Variants in PARP8 observed in about 807,000 individuals in gnomAD.
PARP8 encodes poly(ADP-ribose) polymerase family member 8.
In PARP8, 51 loss-of-function variants were observed where a neutral mutation model predicts 124.1. The observed-to-expected ratio is 0.41, with a 90% CI of 0.33 to 0.52. The LOEUF (loss-of-function observed/expected upper bound fraction) is 0.52. Among genes scored for constraint, PARP8 ranks in the 20% least tolerant of loss-of-function variants. The probability of loss-of-function intolerance (pLI) is 0.21; values close to 1 mark genes in which losing one functional copy is unlikely to be tolerated. For synonymous variants in PARP8, 391 were observed against 361.5 expected, an observed-to-expected ratio of 1.08 and a Z score of -0.93; for missense variants, 860 against 1,018.9, an observed-to-expected ratio of 0.84 and a Z score of 2.12.
At chr5:50,832,708 T>C (rs1218798094) in intron 22 of PARP8, 73 bp from the exon 23 acceptor site, 8 of 1,432,328 alleles carry the variant, frequency 5.6e-6, no homozygotes, top group Non-Finnish European at 7.9e-6. Flanking sequence ...GAACTTTGCA[T>C]AGTAGGTCGA....
chr5:50,743,120 C>T (rs143566836), intron 2 of PARP8, among the ~76,000 whole-genome samples: 2 of 152,188 alleles, frequency 1.3e-5, no homozygotes, highest in South Asian at 4.1e-4. Context: ...AAGGTATAGC[C>T]ATTTGGAGAT....
At chr5:50,827,512 A>T (rs1346036394) in intron 19 of PARP8, among the ~76,000 whole-genome samples, 3 of 152,156 alleles carry the variant, frequency 2.0e-5, no homozygotes, top group African/African-American at 7.2e-5. Flanking sequence ...CATAATAATA[A>T]TTTTTGCAGT....
At chr5:50,797,316 A>T in intron 14 of PARP8, 83 bp downstream of exon 14, 2 of 1,040,820 alleles carry the variant, frequency 1.9e-6, no homozygotes, top group East Asian at 5.4e-5. Context: ...ATAAGTAAAT[A>T]AATGCAGTTG....
At chr5:50,834,163 T>C (rs1363372898) in intron 24 of PARP8, 115 bp downstream of exon 24, 5 of 850,438 alleles carry the variant, frequency 5.9e-6, no homozygotes, top group Non-Finnish European at 9.0e-6. Context: ...TTATTCCTTA[T>C]GATCATCTCA....
chr5:50,839,421 C>T (rs538601740), intron 25 of PARP8, among the ~76,000 whole-genome samples: 1 of 151,792 alleles, frequency 6.6e-6, no homozygotes, highest in Non-Finnish European at 1.5e-5. Flanking sequence ...TTCTGTATAC[C>T]CTATTGTAAT....
chr5:50,827,960 A>G lies in PARP8; in HGVS notation c.1994A>G (p.His665Arg). 1.9e-6 allele frequency: 3 copies of G among 1,611,974 alleles called. No individual in the cohort carries two copies. Among genetic ancestry groups the G allele is most frequent in the Non-Finnish European group, 2.5e-6 (3 of 1,178,188 alleles). Reference protein sequence around the residue: ...LPVNRQLKFMHTPHQFLLLSS... With the variant: ...LPVNRQLKFMRTPHQFLLLSS... ...AAATGGCAGCAATTGAAGTTTATGCATACTCCACATCAGTTCCTTCTTCTC... is the reference window on the plus strand; with the variant it reads ...AAATGGCAGCAATTGAAGTTTATGCGTACTCCACATCAGTTCCTTCTTCTC... Residue 665 changes from histidine to arginine, a missense_variant, in exon 20 of 26, where the codon CAT (histidine) becomes CGT (arginine). Transcript: ENST00000281631.
intron 2 of PARP8, among the ~76,000 whole-genome samples, chr5:50,721,571 T>G (rs1052705467): frequency 5.3e-5 from 8 of 152,200 alleles, no homozygotes; most frequent in Admixed American, 5.2e-4. Context: ...AATAACCGAT[T>G]GTATTGTTCT....
intron 2 of PARP8, chr5:50,738,912 C>G (rs1326111643): frequency 8.7e-6 from 6 of 693,124 alleles, no homozygotes; most frequent in Non-Finnish European, 1.3e-5. Flanking sequence ...GAGACGTAGG[C>G]TTAGTTTACA....
intron 7 of PARP8, among the ~76,000 whole-genome samples, chr5:50,773,492 A>G (rs1051274056): frequency 1.3e-5 from 2 of 151,946 alleles, no homozygotes; most frequent in African/African-American, 4.8e-5. Flanking sequence ...AAGTGTATGG[A>G]TGTATTTCTG....
At chr5:50,829,816 A>G (rs1746745617) in intron 21 of PARP8, 76 bp from the exon 22 acceptor site, 3 of 1,381,338 alleles carry the variant, frequency 2.2e-6, no homozygotes. Flanking sequence ...TCTGACATGA[A>G]ACTGATTGCT....
chr5:50,687,522 C>T (rs1469453905), intron 2 of PARP8, among the ~76,000 whole-genome samples: 3 of 152,084 alleles, frequency 2.0e-5, no homozygotes, highest in East Asian at 1.9e-4. Flanking sequence ...TTTTCAGCAA[C>T]CCCCACTCTC....
intron 14 of PARP8, among the ~76,000 whole-genome samples, chr5:50,807,912 C>T (rs1398168606): frequency 6.6e-6 from 1 of 152,036 alleles, no homozygotes; most frequent in African/African-American, 2.4e-5. Context: ...AGATTCCAGT[C>T]TGCTGATTCC....
chr5:50,743,018 A>T (rs1717375203), intron 2 of PARP8, among the ~76,000 whole-genome samples: 1 of 152,186 alleles, frequency 6.6e-6, no homozygotes. Flanking sequence ...GAAAGGAGTG[A>T]GAGCTGGGAA....
At chr5:50,672,130 C>T (rs1032243831) in intron 2 of PARP8, among the ~76,000 whole-genome samples, 3 of 152,218 alleles carry the variant, frequency 2.0e-5, no homozygotes, top group African/African-American at 7.2e-5. Context: ...CCCTGCTCAG[C>T]CCTCTTTGTT....
Position 50,821,242 on chromosome 5 carries a change from G to A in PARP8, c.1698G>A (p.Arg566=), listed in dbSNP as rs1404622593. ...TAGATCTACTAGTATCCATGTGTAG[G>A]TCTGCGTTGGAATCTCCTAGAAAAG... The part of the protein sequence containing the change: ...QVVDLLVSMC[R]SALESPRKVV... The change falls in exon 16 of 26, where the codon AGG becomes AGA. Residue 566 remains arginine (R), a synonymous_variant. Transcript: ENST00000281631. 2 of 1,608,592 alleles carry A rather than the reference G, an allele frequency of 1.2e-6. No individual in the cohort carries two copies. The highest frequency in any genetic ancestry group is 1.7e-6 in the Non-Finnish European group (2 of 1,177,556).
At chr5:50,807,930 G>A (rs1186727351) in intron 14 of PARP8, among the ~76,000 whole-genome samples, 1 of 151,962 alleles carries the variant, frequency 6.6e-6, no homozygotes, top group Non-Finnish European at 1.5e-5. Context: ...TCCCAAATAT[G>A]TTTGCACATG....
chr5:50,828,301 T>A lies in PARP8; in HGVS notation c.2091-11T>A, dbSNP rs1435783589. 1 of 1,611,810 alleles carries A rather than the reference T, an allele frequency of 6.2e-7. No homozygotes were observed. ...CTGGTTTTGCTTTTTCCTTTCCGTC[T>A]GTTTTTTTAGTGGCTCACACATTGA... is the stretch of plus-strand genomic sequence containing the variant. On this transcript the variant is annotated splice_polypyrimidine_tract_variant and intron_variant, in intron 20 of 25. Transcript: ENST00000281631.
rs564092721 is a variant in PARP8, at chr5:50,844,083, C to T, written c.*2015C>T. On this transcript the variant is annotated 3_prime_UTR_variant, in exon 26 of 26. Coordinates refer to ENST00000281631, the MANE Select transcript of PARP8 (RefSeq NM_024615.4). ...TATAGTATTGGAGTCTGAACTGGAACGGTAACTCGTAAGACTCAAGAAAGA... is the reference window on the plus strand; with the variant it reads ...TATAGTATTGGAGTCTGAACTGGAATGGTAACTCGTAAGACTCAAGAAAGA... 1 of 151,820 alleles carries T rather than the reference C, an allele frequency of 6.6e-6. No homozygotes were observed. Among genetic ancestry groups the T allele is most frequent in the East Asian group, 1.9e-4 (1 of 5,150 alleles). 9.4% of individuals were successfully genotyped at this position (151,820 alleles called of 1,614,324 possible).
At chr5:50,796,074 A>G (rs1230302475) in intron 12 of PARP8, among the ~76,000 whole-genome samples, 1 of 152,214 alleles carries the variant, frequency 6.6e-6, no homozygotes, top group Admixed American at 6.5e-5. Context: ...TATCGCTAGC[A>G]TGATTGGCAT....
Sources: gnomAD v4.1 joint callset for allele counts (sites outside exome capture counted in the v4.1 genomes callset) on GRCh38, gnomAD v4.1.1 for gene constraint, MANE v1.5 for transcripts, NCBI Gene and HGNC (gene_info 2026-07-23, HGNC 2026-07-21) for gene names.